Variants in SHROOM3 observed in about 807,000 individuals in gnomAD.
The protein encoded by SHROOM3 is shroom family member 3, also known as protein Shroom3.
SHROOM3 carries 47 observed loss-of-function variants against 138.6 expected under a neutral mutation model. The observed-to-expected ratio is 0.34, with a 90% CI of 0.27 to 0.43. SHROOM3 has a LOEUF of 0.43. SHROOM3 is among the 20% of genes least tolerant of loss of function. SHROOM3 has a pLI of 1.00. For missense variants in SHROOM3, 2,491 were observed against 2,596.5 expected, an observed-to-expected ratio of 0.96 and a Z score of 0.88; for synonymous variants, 1,062 against 1,063.3, an observed-to-expected ratio of 1.00 and a Z score of 0.02.
In SHROOM3 at chr4:76,766,771, G is replaced by T. The variant is rs554177367; in HGVS notation, c.5350-3855G>T. ...AAATTCAAATTATCATATTTTAAGG[G>T]GCTCGTTAGGGCTTTTAAAAAATTC... On this transcript the variant is annotated intron_variant, in intron 9 of 10. Transcript: ENST00000296043. Among the ~76,000 whole-genome samples the T allele has an allele frequency of 2.6e-5, 4 of 152,180 alleles. No homozygotes were observed. The South Asian group carries it at 6.2e-4, about 24-fold the overall frequency.
intron 6 of SHROOM3, among the ~76,000 whole-genome samples, chr4:76,752,054 G>A (rs979916369): frequency 5.3e-5 from 8 of 152,150 alleles, no homozygotes; most frequent in East Asian, 1.9e-4. Flanking sequence ...GCCAAGAGGT[G>A]GAAACAACCC....
intron 2 of SHROOM3, among the ~76,000 whole-genome samples, chr4:76,595,836 T>G (rs1366056418): frequency 1.3e-5 from 2 of 152,222 alleles, no homozygotes; most frequent in East Asian, 3.8e-4. Context: ...GAGGGCCTGT[T>G]TTAGATAAGC....
intron 1 of SHROOM3, among the ~76,000 whole-genome samples, chr4:76,445,095 CAAAAA>C (rs35001806): frequency 2.5e-5 from 3 of 119,584 alleles, no homozygotes; most frequent in Non-Finnish European, 3.4e-5. Context: ...GACATTGTCT[CAAAAA>C]AAAAAAAAAA....
At chr4:76,757,523 A>G (rs1345164265) in intron 8 of SHROOM3, among the ~76,000 whole-genome samples, 1 of 152,214 alleles carries the variant, frequency 6.6e-6, no homozygotes, top group Non-Finnish European at 1.5e-5. Flanking sequence ...CGTCTTGCCA[A>G]GACTGAGAGG....
intron 10 of SHROOM3, among the ~76,000 whole-genome samples, chr4:76,775,801 CACAT>C (rs1168076669): frequency 1.3e-5 from 2 of 151,362 alleles, no homozygotes; most frequent in African/African-American, 4.9e-5. Context: ...TATATATACA[CACAT>C]ACTATATATA....
In SHROOM3 at chr4:76,582,285, T is replaced by C. The variant is rs531550402; in HGVS notation, c.323+26522T>C. 4.6e-3 allele frequency among the ~76,000 whole-genome samples: 703 copies of C among 152,284 alleles called. 2 individuals are homozygous for C. The highest frequency in any genetic ancestry group is 6.2e-3 in the Non-Finnish European group (423 of 68,026). On this transcript the variant is annotated intron_variant, in intron 2 of 10. Coordinates refer to ENST00000296043, the MANE Select transcript of SHROOM3 (RefSeq NM_020859.4). ...CCTGGGAGTTTAAATGGCTATGCCC[T>C]ACAGGCATTTAAACCTACCTTACAC...
intron 2 of SHROOM3, among the ~76,000 whole-genome samples, chr4:76,596,250 T>C (rs1250204947): frequency 6.6e-6 from 1 of 152,032 alleles, no homozygotes; most frequent in African/African-American, 2.4e-5. Context: ...GACATTTTCA[T>C]ATGAAAAAAT....
At chr4:76,659,845 G>A (rs928184782) in intron 2 of SHROOM3, among the ~76,000 whole-genome samples, 1 of 152,284 alleles carries the variant, frequency 6.6e-6, no homozygotes. Flanking sequence ...GCCTCCCAAA[G>A]TGCTGGGATT....
intron 1 of SHROOM3, among the ~76,000 whole-genome samples, chr4:76,535,697 C>T (rs1033755883): frequency 4.6e-5 from 7 of 152,192 alleles, no homozygotes; most frequent in African/African-American, 1.2e-4. Context: ...TTATGGTTCA[C>T]GGTCACTTGA....
chr4:76,670,978 T>C (rs1439101683), intron 2 of SHROOM3, among the ~76,000 whole-genome samples: 1 of 151,958 alleles, frequency 6.6e-6, no homozygotes, highest in Non-Finnish European at 1.5e-5. Flanking sequence ...ATAAAAGAGT[T>C]CAAGAAGATT....
At chr4:76,549,274 C>G (rs1733295075) in intron 1 of SHROOM3, among the ~76,000 whole-genome samples, 1 of 152,046 alleles carries the variant, frequency 6.6e-6, no homozygotes, top group Non-Finnish European at 1.5e-5. Flanking sequence ...ACAAATGCAC[C>G]TCAATATCTT....
At chr4:76,774,467 T>C (rs796298487) in intron 10 of SHROOM3, among the ~76,000 whole-genome samples, 3 of 152,144 alleles carry the variant, frequency 2.0e-5, no homozygotes, top group South Asian at 4.1e-4. Context: ...TATAAGGCTT[T>C]AACTGAATCT....
chr4:76,769,204 A>AGTTTGGG (rs745985706), intron 9 of SHROOM3, among the ~76,000 whole-genome samples: 29 of 151,246 alleles, frequency 1.9e-4, no homozygotes, highest in Non-Finnish European at 4.3e-4. Context: ...AGTTGAAGCC[A>AGTTTGGG]GTTTGGGGTG....
chr4:76,600,740 T>A (rs1173000399), intron 2 of SHROOM3, among the ~76,000 whole-genome samples: 1 of 152,238 alleles, frequency 6.6e-6, no homozygotes, highest in East Asian at 1.9e-4. Context: ...CATTTGATGC[T>A]TTTACAGATT....
chr4:76,689,432 G>A, intron 2 of SHROOM3: 1 of 780,106 alleles, frequency 1.3e-6, no homozygotes, highest in South Asian at 5.8e-5. Context: ...GGCCCGGGCG[G>A]GACGAGAGGT....
At chr4:76,463,287 A>T (rs1299227051) in intron 1 of SHROOM3, among the ~76,000 whole-genome samples, 1 of 152,206 alleles carries the variant, frequency 6.6e-6, no homozygotes, top group African/African-American at 2.4e-5. Context: ...GATCTGTGGA[A>T]CTCTTAACTT....
intron 1 of SHROOM3, among the ~76,000 whole-genome samples, chr4:76,540,982 T>G (rs1049712138): frequency 6.6e-6 from 1 of 152,232 alleles, no homozygotes; most frequent in African/African-American, 2.4e-5. Flanking sequence ...TGGACTTACC[T>G]TATATACTTG....
intron 2 of SHROOM3, among the ~76,000 whole-genome samples, chr4:76,594,486 C>T (rs910669726): frequency 6.6e-6 from 1 of 152,130 alleles, no homozygotes; most frequent in African/African-American, 2.4e-5. Context: ...TATGTAATCG[C>T]AGGATGTCAC....
chr4:76,518,222 C>T (rs1478262166), intron 1 of SHROOM3, among the ~76,000 whole-genome samples: 1 of 152,032 alleles, frequency 6.6e-6, no homozygotes, highest in Non-Finnish European at 1.5e-5. Context: ...GAAAGACAGA[C>T]ATTTTGGGGA....
Sources: gnomAD v4.1 joint callset for allele counts (sites outside exome capture counted in the v4.1 genomes callset) on GRCh38, gnomAD v4.1.1 for gene constraint, MANE v1.5 for transcripts, NCBI Gene and HGNC (gene_info 2026-07-23, HGNC 2026-07-21) for gene names.